USP8: variants seen among roughly 807,000 people sequenced by gnomAD.
USP8 encodes ubiquitin carboxyl-terminal hydrolase 8.
In USP8, 27 loss-of-function variants were observed where a neutral mutation model predicts 130.0. The ratio of observed to expected loss-of-function variants is 0.21; its 90% CI spans 0.15 to 0.29. USP8 has a LOEUF of 0.29. Ranked by LOEUF, USP8 falls within the 10% of genes least tolerant of loss-of-function variation. The pLI is 1.00. For synonymous variants in USP8, 392 were observed against 444.1 expected (o/e 0.88, Z 1.48); for missense variants, 1,029 against 1,312.2 (o/e 0.78, Z 3.33).
rs541280725 is a variant in USP8 at position 50,491,999 on chromosome 15, C to T, written c.2235-702C>T. Reference sequence around the variant, plus strand: ...GCCTCAGCCTCCTGAGTAGCTGGGACTATAGACGTCCACTATCATGCCCAG... The same window carrying T: ...GCCTCAGCCTCCTGAGTAGCTGGGATTATAGACGTCCACTATCATGCCCAG... On this transcript the variant is annotated intron_variant, in intron 14 of 19. Coordinates refer to ENST00000307179, the MANE Select transcript of USP8 (RefSeq NM_005154.5). 7.7e-4 allele frequency among the ~76,000 whole-genome samples: 117 copies of T among 152,186 alleles called. 2 individuals carry two copies. The highest frequency in any genetic ancestry group is 2.8e-3 in the African/African-American group (115 of 41,520).
intron 4 of USP8, among the ~76,000 whole-genome samples, chr15:50,450,545 C>T (rs2050598771): frequency 7.1e-6 from 1 of 141,608 alleles, no homozygotes; most frequent in African/African-American, 2.6e-5. Flanking sequence ...GATCTCAGCT[C>T]ACTGCAACAT....
In USP8 at chr15:50,441,418, G is replaced by A; in HGVS notation, c.174G>A (p.Arg58=). Residue 58 remains arginine, a synonymous_variant, in exon 3 of 20, where the codon AGG becomes AGA. Coordinates refer to ENST00000307179, the MANE Select transcript of USP8 (RefSeq NM_005154.5). The stretch of plus-strand genomic sequence containing the variant: ...GCAGATTAGATCGTGATGAGGAAAG[G>A]GCCTATGTACTATATATGAAATACG... ...EECRLDRDEE[R]AYVLYMKYVT... is the part of the protein sequence containing the mutation. The A allele has an allele frequency of 6.2e-7, 1 of 1,610,198 alleles. No homozygotes were observed. Among genetic ancestry groups the A allele is most frequent in the Non-Finnish European group, 8.5e-7 (1 of 1,179,160 alleles).
intron 1 of USP8, among the ~76,000 whole-genome samples, chr15:50,424,978 C>T (rs181924745): frequency 3.3e-5 from 5 of 149,780 alleles, no homozygotes; most frequent in Admixed American, 1.4e-4. Flanking sequence ...AAAACTATGA[C>T]TTCCTCAAAT....
At chr15:50,480,181 AATG>A (rs2051714802) in intron 10 of USP8, among the ~76,000 whole-genome samples, 1 of 152,198 alleles carries the variant, frequency 6.6e-6, no homozygotes, top group Admixed American at 6.5e-5. Flanking sequence ...ATTCTCAAGA[AATG>A]ATGTTAGGGT....
At chr15:50,445,405 G>A (rs2050394626) in intron 3 of USP8, among the ~76,000 whole-genome samples, 1 of 148,508 alleles carries the variant, frequency 6.7e-6, no homozygotes, top group Non-Finnish European at 1.5e-5. Context: ...AATTAGCAGG[G>A]TGTGGTGGTA....
intron 1 of USP8, among the ~76,000 whole-genome samples, chr15:50,426,206 A>G (rs1246405711): frequency 9.2e-5 from 14 of 152,242 alleles, no homozygotes; most frequent in Non-Finnish European, 2.9e-5. Flanking sequence ...TAAAGCCAGT[A>G]CATTAAATTT....
At chr15:50,497,677 A>G (rs188690768) in intron 18 of USP8, 1 of 152,414 alleles carries the variant, frequency 6.6e-6, no homozygotes, top group Admixed American at 6.5e-5. Context: ...GATTTTTCCA[A>G]TTGATGGAAA....
chr15:50,432,915 G>T (rs1178301428), intron 1 of USP8, among the ~76,000 whole-genome samples: 1 of 152,180 alleles, frequency 6.6e-6, no homozygotes, highest in Non-Finnish European at 1.5e-5. Context: ...TGAGAGGGTT[G>T]AGCCTTCTTA....
chr15:50,439,790 C>CAATCATAAT (rs1555526863), intron 2 of USP8, among the ~76,000 whole-genome samples: 1 of 133,588 alleles, frequency 7.5e-6, no homozygotes, highest in Non-Finnish European at 1.6e-5. Context: ...AACTCTGTCT[C>CAATCATAAT]AATAATAATA....
intron 4 of USP8, among the ~76,000 whole-genome samples, chr15:50,452,926 G>C (rs1187083414): frequency 1.3e-5 from 2 of 152,184 alleles, no homozygotes; most frequent in African/African-American, 2.4e-5. Context: ...TTGCATTGAG[G>C]AGGCAAGGTA....
At chr15:50,473,236 C>T (rs1369762333) in intron 8 of USP8, among the ~76,000 whole-genome samples, 1 of 152,038 alleles carries the variant, frequency 6.6e-6, no homozygotes. Context: ...CTAGGACCCC[C>T]CACAAATAAC....
Position 50,481,542 on chromosome 15 carries a change from G to C in USP8, c.1280G>C (p.Ser427Thr). 1 of 1,611,914 alleles carries C rather than the reference G, an allele frequency of 6.2e-7. No individual in the cohort carries two copies. Among genetic ancestry groups the C allele is most frequent in the African/African-American group, 1.3e-5 (1 of 74,894 alleles). Reference sequence around the variant, plus strand: ...GAAGAGCATAGAATAAAATCTGAAAGTACAAACCATGAGCAACAATCTCCT... The same window carrying C: ...GAAGAGCATAGAATAAAATCTGAAACTACAAACCATGAGCAACAATCTCCT... ...LPEEHRIKSE[S>T]TNHEQQSPQS... Residue 427 changes from serine (S) to threonine (T), a missense_variant, in exon 11 of 20, where the codon AGT (serine) becomes ACT (threonine). This residue lies in a region of USP8 where 486 missense variants were observed against 522.0 expected (regional missense o/e 0.93). Coordinates refer to ENST00000307179, the MANE Select transcript of USP8 (RefSeq NM_005154.5).
chr15:50,454,455 C>CTTTTTTTTTTTT (rs112075064), intron 4 of USP8, among the ~76,000 whole-genome samples: 1 of 134,978 alleles, frequency 7.4e-6, no homozygotes, highest in Non-Finnish European at 1.6e-5. Context: ...ATTTTCTTTT[C>CTTTTTTTTTTTT]TTTTTTTTTT....
Position 50,481,593 on chromosome 15 carries a change from G to T in USP8, c.1331G>T (p.Arg444Leu). 2 of 1,614,052 alleles carry T rather than the reference G, an allele frequency of 1.2e-6. No individual in the cohort carries two copies. The highest frequency in any genetic ancestry group is 1.7e-6 in the Non-Finnish European group (2 of 1,179,994). Residue 444 changes from arginine (R) to leucine (L), a missense_variant, in exon 11 of 20, where the codon CGT becomes CTT. Arg to Leu is a moderately radical substitution (Grantham distance 102). Transcript: ENST00000307179. ...SPQSGKVIPD[R>L]STKPVVFSPT... ...CAGAGTGGAAAAGTTATTCCTGATC[G>T]TTCCACCAAGCCAGTAGTTTTTTCT...
Position 50,433,762 on chromosome 15 carries a change from T to C in USP8, c.-65-5247T>C, listed in dbSNP as rs548629515. Among the ~76,000 whole-genome samples, 476 of 151,916 alleles carry C rather than the reference T, an allele frequency of 3.1e-3. 6 individuals are homozygous for C. The highest frequency in any genetic ancestry group is 0.011 in the African/African-American group (446 of 41,446). On this transcript the variant is annotated intron_variant, in intron 1 of 19. Transcript: ENST00000307179. ...CTGGGACTACAGGTGCCCGCCACCG[T>C]GCCCGGCTAATTTTTTGTCTTTTTA...
intron 10 of USP8, 23 bp downstream of exon 10, chr15:50,477,522 A>G (rs763406159): frequency 6.3e-6 from 10 of 1,588,398 alleles, no homozygotes; most frequent in Non-Finnish European, 6.9e-6. Flanking sequence ...TTTTAACATT[A>G]TTCTCGCTTT....
rs2052562718 is a variant in USP8 at position 50,500,447 on chromosome 15, A to G, written c.*1359A>G. On this transcript the variant is annotated 3_prime_UTR_variant, in exon 20 of 20. Coordinates refer to ENST00000307179, the MANE Select transcript of USP8 (RefSeq NM_005154.5). ...GGCCTGCATCCATTAGCATTGCATTATATTCACACTGCCTTTTTTAGTGAA... is the reference window on the plus strand; with the variant it reads ...GGCCTGCATCCATTAGCATTGCATTGTATTCACACTGCCTTTTTTAGTGAA... 4.1e-6 allele frequency: 1 copy of G among 246,710 alleles called. No homozygotes were observed. Among genetic ancestry groups the G allele is most frequent in the Non-Finnish European group, 8.1e-6 (1 of 123,410 alleles). The allele number at this position is 246,710 out of a possible 1,614,324, so 15.3% of individuals were successfully genotyped here. A position where few individuals can be genotyped will look rare whatever the true frequency, so the allele number is the denominator to read the frequency against.
chr15:50,485,549 G>GTTTTTTTTTTTTTTT (rs1238541376), intron 12 of USP8, among the ~76,000 whole-genome samples: 1 of 41,694 alleles, frequency 2.4e-5, no homozygotes, highest in Non-Finnish European at 5.0e-5. Context: ...GCAGTTTAGT[G>GTTTTTTTTTTTTTTT]ATTTTTTTTT....
chr15:50,430,336 G>A (rs1408749552), intron 1 of USP8, among the ~76,000 whole-genome samples: 2 of 152,104 alleles, frequency 1.3e-5, no homozygotes, highest in Non-Finnish European at 2.9e-5. Context: ...AGCAGAGTGA[G>A]ACGTCATCTC....
Sources: allele counts gnomAD v4.1 joint callset (sites outside exome capture counted in the v4.1 genomes callset), GRCh38; gene constraint gnomAD v4.1.1; regional missense constraint gnomAD v4.1.1; transcripts MANE v1.5; gene names NCBI Gene and HGNC (gene_info 2026-07-23, HGNC 2026-07-21).